Variants in PFKFB3 observed in about 807,000 individuals in gnomAD.
PFKFB3 encodes the protein 6-phosphofructo-2-kinase/fructose-2,6-biphosphatase 3.
A neutral mutation model predicts 68.0 loss-of-function variants in PFKFB3; 33 were observed. The observed-to-expected ratio is 0.49, with a 90% CI of 0.37 to 0.65. The LOEUF (loss-of-function observed/expected upper bound fraction) is 0.65. PFKFB3 is among the 30% of genes least tolerant of loss of function. The probability of loss-of-function intolerance (pLI) is 0.00; values close to 1 mark genes in which losing one functional copy is unlikely to be tolerated. For missense variants in PFKFB3, 586 were observed against 712.2 expected (o/e 0.82, Z 2.02); for synonymous variants, 315 against 288.2 (o/e 1.09, Z -0.94).
At chr10:6,256,100 C>T (rs936186197), downstream of PFKFB3, among the ~76,000 whole-genome samples, 6 of 152,216 alleles carry the variant, frequency 3.9e-5, no homozygotes, top group African/African-American at 1.2e-4. Flanking sequence ...CCCCCGGCCC[C>T]ATCACAGTCT....
intron 14 of PFKFB3, among the ~76,000 whole-genome samples, chr10:6,240,685 T>A (rs142551309): frequency 1.2e-3 from 179 of 152,272 alleles, no homozygotes; most frequent in African/African-American, 4.1e-3. Flanking sequence ...GTCAAAACTA[T>A]GAGTTAACAT....
intron 14 of PFKFB3, among the ~76,000 whole-genome samples, chr10:6,230,779 G>A (rs551490204): frequency 4.0e-4 from 61 of 151,704 alleles, no homozygotes; most frequent in Non-Finnish European, 4.7e-4. Context: ...GCAGTGGCGC[G>A]ATCTTGGCTC....
intron 14 of PFKFB3, among the ~76,000 whole-genome samples, chr10:6,241,843 TTTTC>T (rs1305379857): frequency 3.7e-4 from 56 of 151,358 alleles, no homozygotes; most frequent in African/African-American, 1.3e-3. Flanking sequence ...TTTTGCTTTC[TTTTC>T]TTTTTTTTTT....
At position 6,221,299 on chromosome 10, in the gene PFKFB3, A is replaced by G. The variant is rs528439397; in HGVS notation, c.832-82A>G. 6 of 1,537,908 alleles carry G rather than the reference A, an allele frequency of 3.9e-6. No homozygotes were observed. In the Admixed American group the frequency reaches 5.4e-5, roughly 14 times the overall value. ...GTGTAACCAGGTAGTGCACAGCCCT[A>G]CGTGGGCTGCCTGCTCCAGCCCTGG... On this transcript the variant is annotated intron_variant, in intron 8 of 14. Coordinates refer to ENST00000379775, the MANE Select transcript of PFKFB3 (RefSeq NM_004566.4).
intron 14 of PFKFB3, among the ~76,000 whole-genome samples, chr10:6,250,336 C>A (rs112999570): frequency 1.3e-5 from 2 of 151,980 alleles, no homozygotes; most frequent in Admixed American, 1.3e-4. Context: ...GAGGCCGAGG[C>A]GGGCAGATCA....
In PFKFB3 at chr10:6,165,474, G is replaced by A. The variant is rs563593851; in HGVS notation, c.16+20461G>A. Among the ~76,000 whole-genome samples the A allele has an allele frequency of 2.0e-5, 3 of 152,324 alleles. No individual in the cohort carries two copies. In the South Asian group the frequency reaches 6.2e-4, roughly 32 times the overall value. On this transcript the variant is annotated intron_variant, in intron 1 of 14. Transcript: ENST00000379789. ...TTCCCCACAACTTCCTTATGAGGAAGAGGCTAGACTTTCCTTCTCCCTGGG... is the reference window on the plus strand; with the variant it reads ...TTCCCCACAACTTCCTTATGAGGAAAAGGCTAGACTTTCCTTCTCCCTGGG...
At chr10:6,189,663 C>T (rs559420938) in intron 1 of PFKFB3, among the ~76,000 whole-genome samples, 1 of 152,048 alleles carries the variant, frequency 6.6e-6, no homozygotes, top group African/African-American at 2.4e-5. Flanking sequence ...TACAGGCATG[C>T]ACCACCAAGC....
rs759548040 is a variant in PFKFB3 at position 6,154,961 on chromosome 10, A to T, written c.16+9948A>T. Among the ~76,000 whole-genome samples the T allele has an allele frequency of 6.6e-6, 1 of 152,192 alleles. No homozygotes were observed. Among genetic ancestry groups the T allele is most frequent in the Non-Finnish European group, 1.5e-5 (1 of 68,038 alleles). On this transcript the variant is annotated intron_variant, in intron 1 of 14. Coordinates refer to the PFKFB3 transcript ENST00000379789. This position sits in a 1 kb window ranked among gnomAD's most constrained non-coding sequence, Gnocchi z 4.6. ...CCCGTAGGAGGTCATGGTGACCTCC[A>T]TGAGCAGCTCTGTTTCTGTCTGTGG...
At chr10:6,298,212 TCTC>T in the PFKFB3 span, among the ~76,000 whole-genome samples, 1 of 152,180 alleles carries the variant, frequency 6.6e-6, no homozygotes, top group African/African-American at 2.4e-5. Flanking sequence ...CAAACACACT[TCTC>T]CTCTGTCTCA....
chr10:6,171,757 T>C (rs763540042), intron 1 of PFKFB3, among the ~76,000 whole-genome samples: 6 of 152,272 alleles, frequency 3.9e-5, no homozygotes, highest in Non-Finnish European at 5.9e-5. Flanking sequence ...ATAGCACATG[T>C]ATATTAGATA....
chr10:6,228,335 C>G lies in PFKFB3; in HGVS notation c.1515+1970C>G. 1 of 1,135,056 alleles carries G rather than the reference C, an allele frequency of 8.8e-7. No homozygotes were observed. The allele number at this position is 1,135,056 out of a possible 1,614,324, so 70.3% of individuals were successfully genotyped here. ...AGCAGTTTTGTGATGTGAGGTCTTC[C>G]GTGGGGGAAGGAGGAGATGGGCGTA... On this transcript the variant is annotated intron_variant, in intron 14 of 14. Coordinates refer to ENST00000379775, the MANE Select transcript of PFKFB3 (RefSeq NM_004566.4). This position sits in a 1 kb window ranked among gnomAD's most constrained non-coding sequence, Gnocchi z 4.5.
chr10:6,152,424 C>A (rs1841622556), intron 1 of PFKFB3: 1 of 152,644 alleles, frequency 6.6e-6, no homozygotes, highest in Non-Finnish European at 1.5e-5. Flanking sequence ...CCAAGCCAGG[C>A]AGCAGGGGAG....
the PFKFB3 span, among the ~76,000 whole-genome samples, chr10:6,288,411 T>A: frequency 7.1e-6 from 1 of 141,276 alleles, no homozygotes; most frequent in Non-Finnish European, 1.5e-5. Context: ...TGTCCATGTG[T>A]TCTCATTGTT....
chr10:6,285,445 C>T, the PFKFB3 span, among the ~76,000 whole-genome samples: 1 of 152,064 alleles, frequency 6.6e-6, no homozygotes, highest in Non-Finnish European at 1.5e-5. Flanking sequence ...GTTGGTCAGG[C>T]TGGTCTCAAA....
At chr10:6,232,575 A>G (rs1301524422) in intron 14 of PFKFB3, among the ~76,000 whole-genome samples, 1 of 152,152 alleles carries the variant, frequency 6.6e-6, no homozygotes. Flanking sequence ...GGTCGTGAGC[A>G]TGAGGCTCCT....
chr10:6,311,056 T>A, the PFKFB3 span, among the ~76,000 whole-genome samples: 1 of 152,152 alleles, frequency 6.6e-6, no homozygotes, highest in African/African-American at 2.4e-5. Flanking sequence ...GAAATTAAGA[T>A]TCAAAAAAAG....
chr10:6,209,850 C>T (rs907318949), intron 1 of PFKFB3, among the ~76,000 whole-genome samples: 6 of 144,458 alleles, frequency 4.2e-5, no homozygotes, highest in Non-Finnish European at 7.5e-5. Context: ...CTGCAAGCTG[C>T]GCCTCCCAGG....
intron 1 of PFKFB3, among the ~76,000 whole-genome samples, chr10:6,174,090 T>TA (rs1468677972): frequency 2.6e-5 from 4 of 152,088 alleles, no homozygotes; most frequent in African/African-American, 9.7e-5. Flanking sequence ...CAAGTTCCAG[T>TA]AGAAGGAGTC....
chr10:6,323,603 A>G, the PFKFB3 span, among the ~76,000 whole-genome samples: 6 of 151,710 alleles, frequency 4.0e-5, no homozygotes, highest in South Asian at 2.1e-4. Flanking sequence ...AAATTTTCAC[A>G]TACAGATTGA....
Sources: gnomAD v4.1 joint callset for allele counts (sites outside exome capture counted in the v4.1 genomes callset) on GRCh38, gnomAD v4.1.1 for gene constraint, Gnocchi (gnomAD v3.1) non-coding constraint, MANE v1.5 for transcripts, NCBI Gene and HGNC (gene_info 2026-07-23, HGNC 2026-07-21) for gene names.